Variants in ARF4 observed in about 807,000 individuals in gnomAD.
ARF4 encodes the protein ADP-ribosylation factor 4.
ARF4 carries 5 observed loss-of-function variants against 24.3 expected under a neutral mutation model. That is an observed-to-expected ratio of 0.21 (90% CI 0.11 to 0.43). ARF4 has a LOEUF of 0.43. ARF4 is among the 20% of genes least tolerant of loss of function. The pLI is 1.00. For missense variants in ARF4, 107 were observed against 213.0 expected (o/e 0.50, Z 3.10); for synonymous variants, 62 against 73.5 (o/e 0.84, Z 0.80).
intron 1 of ARF4, among the ~76,000 whole-genome samples, chr3:57,594,757 T>C (rs954633968): frequency 5.3e-5 from 8 of 152,206 alleles, no homozygotes; most frequent in East Asian, 1.9e-4. Context: ...AGCACACTAA[T>C]GTAAAACATT....
intron 5 of ARF4, among the ~76,000 whole-genome samples, chr3:57,574,340 AAGTTTC>A (rs1164592244): frequency 7.9e-5 from 12 of 152,116 alleles, no homozygotes; most frequent in Non-Finnish European, 1.5e-4. Context: ...CTATGACACT[AAGTTTC>A]TGATAATTTA....
chr3:57,583,332 G>A (rs2069998975), intron 3 of ARF4, among the ~76,000 whole-genome samples: 1 of 152,114 alleles, frequency 6.6e-6, no homozygotes, highest in African/African-American at 2.4e-5. Context: ...GATGATCCAG[G>A]TCTTGGGATT....
chr3:57,573,738 C>T (rs558253678), intron 5 of ARF4, among the ~76,000 whole-genome samples: 54 of 152,054 alleles, frequency 3.6e-4, no homozygotes, highest in African/African-American at 1.2e-3. Flanking sequence ...TGCACCACCA[C>T]GACCAGCTAA....
chr3:57,588,936 C>G (rs368689733), intron 1 of ARF4, among the ~76,000 whole-genome samples: 5 of 152,134 alleles, frequency 3.3e-5, no homozygotes, highest in Non-Finnish European at 7.3e-5. Flanking sequence ...AAGCCCGTCT[C>G]TACTAAAAAT....
intron 3 of ARF4, among the ~76,000 whole-genome samples, chr3:57,577,966 A>T (rs2069926812): frequency 6.6e-6 from 1 of 152,068 alleles, no homozygotes; most frequent in Admixed American, 6.6e-5. Flanking sequence ...AGGTGGGAGG[A>T]ATCACGAGCC....
intron 3 of ARF4, among the ~76,000 whole-genome samples, chr3:57,581,937 T>A (rs940332558): frequency 6.6e-6 from 1 of 152,346 alleles, no homozygotes; most frequent in South Asian, 2.1e-4. Context: ...GGTGTACAGA[T>A]TGAGTTTCCT....
intron 1 of ARF4, among the ~76,000 whole-genome samples, chr3:57,591,682 G>T (rs992239356): frequency 3.3e-5 from 5 of 152,062 alleles, no homozygotes; most frequent in African/African-American, 1.2e-4. Flanking sequence ...GTCCAGGCTG[G>T]TCTCGAACTC....
intron 2 of ARF4, 121 bp downstream of exon 2, chr3:57,584,263 T>C: frequency 9.8e-7 from 1 of 1,015,750 alleles, no homozygotes; most frequent in South Asian, 1.5e-5. Flanking sequence ...ACACCCGGCC[T>C]GTTTTAAAAG....
At chr3:57,594,652 C>T (rs1019128907) in intron 1 of ARF4, among the ~76,000 whole-genome samples, 3 of 152,230 alleles carry the variant, frequency 2.0e-5, no homozygotes, top group African/African-American at 7.2e-5. Flanking sequence ...CATCAGCTAA[C>T]TGCTATCTCC....
At chr3:57,596,974 C>G in intron 1 of ARF4, 100 bp downstream of exon 1, 2 of 1,344,200 alleles carry the variant, frequency 1.5e-6, no homozygotes, top group South Asian at 1.3e-5. Flanking sequence ...GCCCCTCCCC[C>G]ACCACAGCGG....
chr3:57,592,280 G>A (rs1422752291), intron 1 of ARF4, among the ~76,000 whole-genome samples: 2 of 152,086 alleles, frequency 1.3e-5, no homozygotes, highest in Non-Finnish European at 2.9e-5. Context: ...CCTGAGGTCA[G>A]GAGTTTGAGA....
intron 1 of ARF4, among the ~76,000 whole-genome samples, chr3:57,593,204 CT>C (rs2070136036): frequency 6.6e-6 from 1 of 151,932 alleles, no homozygotes; most frequent in African/African-American, 2.4e-5. Flanking sequence ...GAGCAAAACC[CT>C]GTCTCAAAAA....
At chr3:57,575,928 T>C (rs543209538) in intron 4 of ARF4, among the ~76,000 whole-genome samples, 1 of 152,156 alleles carries the variant, frequency 6.6e-6, no homozygotes, top group East Asian at 1.9e-4. Context: ...TTAAAGCAAA[T>C]CACTCATCAT....
At chr3:57,581,217 T>C (rs908768655) in intron 3 of ARF4, among the ~76,000 whole-genome samples, 6 of 152,192 alleles carry the variant, frequency 3.9e-5, no homozygotes, top group Admixed American at 1.3e-4. Context: ...ATTTTATAGC[T>C]AGGAGAACTG....
intron 3 of ARF4, among the ~76,000 whole-genome samples, chr3:57,577,623 C>T (rs2069922342): frequency 6.6e-6 from 1 of 152,182 alleles, no homozygotes. Flanking sequence ...TTACTTTTCT[C>T]AACTACCCTA....
chr3:57,583,790 G>C lies in ARF4; in HGVS notation c.258+108C>G, dbSNP rs111830807. 2,230 of 775,998 alleles carry C rather than the reference G, an allele frequency of 2.9e-3. 27 individuals carry two copies. In the African/African-American group the frequency reaches 0.035, roughly 12 times the overall value. The allele number at this position is 775,998 out of a possible 1,614,324, so 48.1% of individuals were successfully genotyped here. A position where few individuals can be genotyped will look rare whatever the true frequency, so the allele number is the denominator to read the frequency against. ...ATGTGGAAGTGGTGATAAGACAAATGCCAACTCATAGTAAACACCAATATC... is the reference window on the plus strand; with the variant it reads ...ATGTGGAAGTGGTGATAAGACAAATCCCAACTCATAGTAAACACCAATATC... On this transcript the variant is annotated intron_variant, in intron 3 of 5. Coordinates refer to ENST00000303436, the MANE Select transcript of ARF4 (RefSeq NM_001660.4).
chr3:57,582,703 T>G (rs1027323424), intron 3 of ARF4, among the ~76,000 whole-genome samples: 1 of 148,196 alleles, frequency 6.7e-6, no homozygotes, highest in Non-Finnish European at 1.5e-5. Flanking sequence ...CAAGATGACA[T>G]TGCAAGTCTT....
chr3:57,577,306 T>A lies in ARF4; in HGVS notation c.330+10A>T. The A allele has an allele frequency of 6.2e-7, 1 of 1,607,788 alleles. No homozygotes were observed. ...CCTTGAAAATGATGAATTTAAAGTA[T>A]ATTTCTTACCATTTTCTGCAGCTCA... On this transcript the variant is annotated intron_variant, in intron 4 of 5. Transcript: ENST00000303436.
At chr3:57,580,503 G>C (rs949012222) in intron 3 of ARF4, among the ~76,000 whole-genome samples, 1 of 152,082 alleles carries the variant, frequency 6.6e-6, no homozygotes, top group Non-Finnish European at 1.5e-5. Context: ...CTGTGCTCAG[G>C]TGATCCTCCC....
Sources: gnomAD v4.1 joint callset for allele counts (sites outside exome capture counted in the v4.1 genomes callset) on GRCh38, gnomAD v4.1.1 for gene constraint, MANE v1.5 for transcripts, NCBI Gene and HGNC (gene_info 2026-07-23, HGNC 2026-07-21) for gene names.